Variants in LRGUK observed in about 807,000 individuals in gnomAD.
LRGUK encodes leucine-rich repeat and guanylate kinase domain-containing protein.
A neutral mutation model predicts 76.0 loss-of-function variants in LRGUK; 65 were observed. The ratio of observed to expected loss-of-function variants is 0.85; its 90% CI spans 0.70 to 1.05. LRGUK has a LOEUF of 1.05. Ranked by LOEUF, LRGUK falls within the 50% of genes least tolerant of loss-of-function variation. The probability of loss-of-function intolerance (pLI) is 0.00; values close to 1 mark genes in which losing one functional copy is unlikely to be tolerated. For synonymous variants in LRGUK, 268 were observed against 265.6 expected, an observed-to-expected ratio of 1.01 and a Z score of -0.09; for missense variants, 758 against 732.8, an observed-to-expected ratio of 1.03 and a Z score of -0.40.
intron 7 of LRGUK, among the ~76,000 whole-genome samples, chr7:134,164,317 G>A (rs1193032310): frequency 1.3e-5 from 2 of 152,110 alleles, no homozygotes; most frequent in African/African-American, 4.8e-5. Context: ...ATAAAATAAA[G>A]AGAAGAGGCA....
chr7:134,212,209 T>C (rs760577719), downstream of LRGUK, among the ~76,000 whole-genome samples: 7 of 152,254 alleles, frequency 4.6e-5, no homozygotes, highest in African/African-American at 7.2e-5. Flanking sequence ...ACCAATCTAC[T>C]CTGGCAAGGA....
At chr7:134,190,293 A>C (rs895669479) in intron 11 of LRGUK, among the ~76,000 whole-genome samples, 27 of 152,138 alleles carry the variant, frequency 1.8e-4, no homozygotes, top group African/African-American at 6.5e-4. Context: ...TGCAGCCTCA[A>C]ACTCCTGGGC....
chr7:134,222,265 T>C (rs1200184916), intron 16 of LRGUK, among the ~76,000 whole-genome samples: 1 of 152,208 alleles, frequency 6.6e-6, no homozygotes, highest in Non-Finnish European at 1.5e-5. Context: ...GGTATAAATT[T>C]GAGTATTCTT....
At chr7:134,194,670 G>C (rs1800407948) in intron 12 of LRGUK, among the ~76,000 whole-genome samples, 1 of 152,154 alleles carries the variant, frequency 6.6e-6, no homozygotes, top group South Asian at 2.1e-4. Flanking sequence ...GAGCCCAGGA[G>C]GTCAAGGCTG....
chr7:134,238,118 T>C (rs1802056673), intron 16 of LRGUK, among the ~76,000 whole-genome samples: 1 of 152,218 alleles, frequency 6.6e-6, no homozygotes, highest in African/African-American at 2.4e-5. Flanking sequence ...ACTCTCCTTT[T>C]GTCTTAGTTC....
chr7:134,137,875 A>C (rs150053090), intron 2 of LRGUK, among the ~76,000 whole-genome samples: 45 of 151,954 alleles, frequency 3.0e-4, no homozygotes, highest in African/African-American at 1.0e-3. Flanking sequence ...ACGCACATTG[A>C]AATTTTACCA....
chr7:134,143,048 G>C lies in LRGUK; in HGVS notation c.488-14G>C. 1 of 1,392,188 alleles carries C rather than the reference G, an allele frequency of 7.2e-7. No homozygotes were observed. The highest frequency in any genetic ancestry group is 1.0e-6 in the Non-Finnish European group (1 of 978,872). 86.2% of individuals were successfully genotyped at this position (1,392,188 alleles called of 1,614,324 possible). ...TATTGGCTTACCTTATTCTGTATCT[G>C]TTTCCCTCCGTAGATTTATCTTGTG... On this transcript the variant is annotated splice_polypyrimidine_tract_variant and intron_variant, in intron 3 of 15. Coordinates refer to ENST00000645682, the Ensembl canonical transcript of LRGUK.
At chr7:134,229,504 T>C (rs1360995427) in intron 16 of LRGUK, among the ~76,000 whole-genome samples, 3 of 152,118 alleles carry the variant, frequency 2.0e-5, no homozygotes, top group Non-Finnish European at 4.4e-5. Context: ...GTAAAACATA[T>C]TTTCTAGAAA....
At chr7:134,173,570 C>G (rs1481397805) in intron 7 of LRGUK, among the ~76,000 whole-genome samples, 2 of 152,140 alleles carry the variant, frequency 1.3e-5, no homozygotes, top group Non-Finnish European at 2.9e-5. Context: ...CTGCCGCAAT[C>G]CAAGTTCTAT....
chr7:134,168,614 A>G (rs1563158070), intron 7 of LRGUK, among the ~76,000 whole-genome samples: 1 of 152,176 alleles, frequency 6.6e-6, no homozygotes, highest in South Asian at 2.1e-4. Flanking sequence ...ATCAGGTAGC[A>G]GTAGTAAGGA....
the LRGUK span, among the ~76,000 whole-genome samples, chr7:134,273,262 G>A: frequency 6.6e-6 from 1 of 152,120 alleles, no homozygotes; most frequent in African/African-American, 2.4e-5. Flanking sequence ...AGAACTTGGC[G>A]AACCTGATGC....
Position 134,197,118 on chromosome 7 carries a change from A to G in LRGUK, c.1545+13A>G. 1 of 1,439,364 alleles carries G rather than the reference A, an allele frequency of 6.9e-7. No individual in the cohort carries two copies. Among genetic ancestry groups the G allele is most frequent in the Non-Finnish European group, 9.8e-7 (1 of 1,021,358 alleles). The allele number at this position is 1,439,364 out of a possible 1,614,324, so 89.2% of individuals were successfully genotyped here. A position where few individuals can be genotyped will look rare whatever the true frequency, so the allele number is the denominator to read the frequency against. ...TATGGAAATAGAAGTAAGTGTTTTC[A>G]TTCAACCAATTAATGTGTGTGTAGT... On this transcript the variant is annotated intron_variant, in intron 13 of 15. Transcript: ENST00000645682.
downstream of LRGUK, chr7:134,210,337 C>T (rs188285309): frequency 2.1e-4 from 82 of 398,350 alleles, no homozygotes; most frequent in African/African-American, 1.0e-3. Flanking sequence ...ATTCCTGAGC[C>T]GCCCCACGCC....
In LRGUK at chr7:134,248,979, G is replaced by C. The variant is rs758061584; in HGVS notation, c.2101G>C (p.Gly701Arg). 99 of 1,576,120 alleles carry C rather than the reference G, an allele frequency of 6.3e-5. No homozygotes were observed. The highest frequency in any genetic ancestry group is 8.2e-5 in the Non-Finnish European group (95 of 1,159,118). The change falls in exon 18 of 20, where the codon GGT (glycine) becomes CGT (arginine). Residue 701 changes from glycine to arginine, a missense_variant. Coordinates refer to the LRGUK transcript ENST00000285928. ...TCCAGTACCAGCACCTCTCACCAGT[G>C]GTCTACACTATTATACAACTTTAGA...
intron 12 of LRGUK, among the ~76,000 whole-genome samples, chr7:134,192,692 T>C (rs1800307754): frequency 6.6e-6 from 1 of 152,192 alleles, no homozygotes; most frequent in Non-Finnish European, 1.5e-5. Flanking sequence ...AAGGAGTAGC[T>C]CATATTTTCA....
intron 4 of LRGUK, among the ~76,000 whole-genome samples, chr7:134,146,964 T>A (rs1383925993): frequency 1.3e-5 from 2 of 152,216 alleles, no homozygotes; most frequent in Admixed American, 6.5e-5. Context: ...TTTTTGTTTA[T>A]CTTTTGTCAG....
intron 18 of LRGUK, among the ~76,000 whole-genome samples, chr7:134,251,696 T>C (rs572083428): frequency 6.6e-6 from 1 of 152,316 alleles, no homozygotes; most frequent in East Asian, 1.9e-4. Context: ...TCACTTTGGG[T>C]TATTGCATTT....
chr7:134,172,358 T>C (rs908701620), intron 7 of LRGUK, among the ~76,000 whole-genome samples: 3 of 152,124 alleles, frequency 2.0e-5, no homozygotes, highest in Non-Finnish European at 4.4e-5. Flanking sequence ...AAATTACATA[T>C]TCTATATAAA....
At chr7:134,127,637 C>T (rs1797065719) in exon 1 of LRGUK, 14 of 1,613,758 alleles carry the variant, frequency 8.7e-6, no homozygotes, top group Non-Finnish European at 1.2e-5. Context: ...CCGAGGAGTC[C>T]TCAGAGTCCG....
Sources: allele counts gnomAD v4.1 joint callset (sites outside exome capture counted in the v4.1 genomes callset), GRCh38; gene constraint gnomAD v4.1.1; transcripts MANE v1.5; gene names NCBI Gene and HGNC (gene_info 2026-07-23, HGNC 2026-07-21).